The following MYO5A variants were observed in gnomAD, a reference collection of about 807,000 sequenced individuals.
MYO5A encodes unconventional myosin-Va.
A neutral mutation model predicts 249.7 loss-of-function variants in MYO5A; 98 were observed. The observed-to-expected ratio is 0.39, with a 90% CI of 0.33 to 0.46. The LOEUF is 0.46. MYO5A is among the 20% of genes least tolerant of loss of function. The probability of loss-of-function intolerance (pLI) is 0.98; values close to 1 mark genes in which losing one functional copy is unlikely to be tolerated. For missense variants in MYO5A, 1,696 were observed against 2,308.8 expected (o/e 0.73, Z 5.44); for synonymous variants, 778 against 810.6 (o/e 0.96, Z 0.68).
intron 1 of MYO5A, among the ~76,000 whole-genome samples, chr15:52,483,910 C>T (rs899763753): frequency 6.6e-6 from 1 of 152,206 alleles, no homozygotes; most frequent in Non-Finnish European, 1.5e-5. Context: ...AAAAGCCTTG[C>T]TTCTGGCAGT....
chr15:52,448,123 G>A (rs1214621427), intron 1 of MYO5A, among the ~76,000 whole-genome samples: 1 of 152,220 alleles, frequency 6.6e-6, no homozygotes, highest in Admixed American at 6.5e-5. Flanking sequence ...CTCAATCCCA[G>A]CCCCTGAGAG....
chr15:52,324,260 G>A (rs1359310170), intron 36 of MYO5A, among the ~76,000 whole-genome samples: 1 of 152,162 alleles, frequency 6.6e-6, no homozygotes, highest in Non-Finnish European at 1.5e-5. Flanking sequence ...GAGCTGGGCA[G>A]TACAGTCAGG....
Position 52,503,008 on chromosome 15 carries a change from G to T in MYO5A, c.27+25772C>A, listed in dbSNP as rs550111435. 6.6e-5 allele frequency among the ~76,000 whole-genome samples: 10 copies of T among 152,292 alleles called. No individual in the cohort carries two copies. The South Asian group carries it at 2.1e-3, about 32-fold the overall frequency. On this transcript the variant is annotated intron_variant, in intron 1 of 41. Coordinates refer to ENST00000399233, the MANE Select transcript of MYO5A (RefSeq NM_001382347.1). The stretch of plus-strand genomic sequence containing the variant: ...ATGAAGACAAGAGAGTAGACTGGTG[G>T]ATACCAGAGGCCAGGCAAGGTAGCA...
intron 35 of MYO5A, among the ~76,000 whole-genome samples, chr15:52,328,523 A>G (rs1216243464): frequency 6.6e-6 from 1 of 152,168 alleles, no homozygotes; most frequent in African/African-American, 2.4e-5. Flanking sequence ...CACTGCTTCT[A>G]CCAGCTACAG....
chr15:52,522,609 T>C (rs537054285), intron 1 of MYO5A, among the ~76,000 whole-genome samples: 1 of 152,226 alleles, frequency 6.6e-6, no homozygotes, highest in Non-Finnish European at 1.5e-5. Context: ...TCCAAGTCTA[T>C]CCTCTAGTGG....
chr15:52,330,302 C>A, intron 35 of MYO5A, 51 bp downstream of exon 35: 1 of 1,612,502 alleles, frequency 6.2e-7, no homozygotes, highest in Non-Finnish European at 8.5e-7. Flanking sequence ...TTTTTCCCAC[C>A]ATTAACCCAT....
intron 1 of MYO5A, among the ~76,000 whole-genome samples, chr15:52,522,559 C>CA (rs1173423823): frequency 6.6e-6 from 1 of 152,198 alleles, no homozygotes; most frequent in Non-Finnish European, 1.5e-5. Flanking sequence ...AACAGTACCT[C>CA]ATACTTCACT....
intron 1 of MYO5A, among the ~76,000 whole-genome samples, chr15:52,458,981 C>T (rs1441751982): frequency 6.6e-6 from 1 of 151,164 alleles, no homozygotes; most frequent in Non-Finnish European, 1.5e-5. Context: ...TTTCAAATAC[C>T]TTAAAAATGT....
chr15:52,467,015 A>G (rs1250261851), intron 1 of MYO5A, among the ~76,000 whole-genome samples: 1 of 152,236 alleles, frequency 6.6e-6, no homozygotes, highest in African/African-American at 2.4e-5. Context: ...TATCCAAGGA[A>G]ATCATACAAA....
intron 1 of MYO5A, among the ~76,000 whole-genome samples, chr15:52,485,259 T>TAAAA (rs72085613): frequency 2.6e-4 from 27 of 102,726 alleles, no homozygotes; most frequent in Non-Finnish European, 3.3e-4. Context: ...ATTCACTATG[T>TAAAA]AAAAAAAAAA....
At chr15:52,476,692 C>A (rs2076602526) in intron 1 of MYO5A, among the ~76,000 whole-genome samples, 1 of 152,154 alleles carries the variant, frequency 6.6e-6, no homozygotes, top group Admixed American at 6.5e-5. Flanking sequence ...CTTGAAAATT[C>A]TTTTCTTTAA....
chr15:52,436,561 C>T (rs1001819120), intron 1 of MYO5A, among the ~76,000 whole-genome samples: 3 of 152,216 alleles, frequency 2.0e-5, no homozygotes, highest in Non-Finnish European at 4.4e-5. Flanking sequence ...CTTCAGCACT[C>T]TTATTCACTA....
Position 52,497,650 on chromosome 15 carries a change from G to A in MYO5A, c.27+31130C>T, listed in dbSNP as rs190621712. ...TGTGCACCTGTAGTCCCAGCTACTC[G>A]GGAGGCTGAGGCAAGAGAATCGCTT... On this transcript the variant is annotated intron_variant, in intron 1 of 41. Transcript: ENST00000399233. Among the ~76,000 whole-genome samples, 556 of 150,358 alleles carry A rather than the reference G, an allele frequency of 3.7e-3. 6 individuals carry two copies. The South Asian group carries it at 0.048, about 13-fold the overall frequency.
At chr15:52,418,588 G>A (rs1233462832) in intron 4 of MYO5A, among the ~76,000 whole-genome samples, 1 of 152,124 alleles carries the variant, frequency 6.6e-6, no homozygotes, top group African/African-American at 2.4e-5. Flanking sequence ...TACCAGAATT[G>A]AGAGGGTAAT....
chr15:52,379,033 C>T (rs977262322), intron 18 of MYO5A, among the ~76,000 whole-genome samples: 1 of 152,206 alleles, frequency 6.6e-6, no homozygotes, highest in African/African-American at 2.4e-5. Context: ...CTGCAAAAAA[C>T]TGTTTTCTGA....
In MYO5A at chr15:52,359,284, C is replaced by T. The variant is rs148972177; in HGVS notation, c.3423+684G>A. On this transcript the variant is annotated intron_variant, in intron 25 of 41. Coordinates refer to ENST00000399233, the MANE Select transcript of MYO5A (RefSeq NM_001382347.1). ...ATAATATAAAAATAGGACAGTTGTGCCTGAATTACCCATTATTGAAACTAT... is the reference window on the plus strand; with the variant it reads ...ATAATATAAAAATAGGACAGTTGTGTCTGAATTACCCATTATTGAAACTAT... Among the ~76,000 whole-genome samples the T allele has an allele frequency of 4.5e-4, 68 of 152,210 alleles. 1 individual carries two copies. In the East Asian group the frequency reaches 7.1e-3, roughly 16 times the overall value.
At chr15:52,389,590 T>A (rs2042125325) in intron 12 of MYO5A, among the ~76,000 whole-genome samples, 1 of 152,206 alleles carries the variant, frequency 6.6e-6, no homozygotes, top group African/African-American at 2.4e-5. Context: ...AGCCCAATCT[T>A]TGGGCAGTTC....
At position 52,327,869 on chromosome 15, in the gene MYO5A, T is replaced by A; in HGVS notation, c.4693A>T (p.Ile1565Phe). Residue 1565 changes from isoleucine to phenylalanine, a missense_variant, in exon 36 of 42, where the codon ATC (isoleucine) becomes TTC (phenylalanine). Physicochemically the swap from Ile to Phe is conservative, Grantham distance 21 (BLOSUM62 0). Coordinates refer to ENST00000399233, the MANE Select transcript of MYO5A (RefSeq NM_001382347.1). Reference protein sequence around the residue: ...RSLLTSTINSIKKVLKKRGDD... With the variant: ...RSLLTSTINSFKKVLKKRGDD... ...GAACTGACCTTCAATACTTTTTTGA[T>A]GCTGTTAATTGTTGATGTTAGCAAC... is the stretch of plus-strand genomic sequence containing the variant. 6.2e-7 allele frequency: 1 copy of A among 1,613,946 alleles called. No individual in the cohort carries two copies. Among genetic ancestry groups the A allele is most frequent in the South Asian group, 1.1e-5 (1 of 91,076 alleles).
chr15:52,341,621 C>T (rs938636057), intron 31 of MYO5A, among the ~76,000 whole-genome samples: 2 of 152,080 alleles, frequency 1.3e-5, no homozygotes, highest in African/African-American at 4.8e-5. Context: ...CTGGGTAAAA[C>T]TTAATGATGC....
Sources: gnomAD v4.1 joint callset for allele counts (sites outside exome capture counted in the v4.1 genomes callset) on GRCh38, gnomAD v4.1.1 for gene constraint, MANE v1.5 for transcripts, NCBI Gene and HGNC (gene_info 2026-07-23, HGNC 2026-07-21) for gene names.